The following PACS2 variants were observed in gnomAD, a reference collection of about 807,000 sequenced individuals.
The protein encoded by PACS2 is phosphofurin acidic cluster sorting protein 2.
PACS2 carries 36 observed loss-of-function variants against 113.0 expected under a neutral mutation model. That is an observed-to-expected ratio of 0.32 (90% confidence interval 0.24 to 0.42). The LOEUF (loss-of-function observed/expected upper bound fraction) is 0.42. PACS2 is among the 10% of genes least tolerant of loss of function. PACS2 has a pLI of 1.00. For synonymous variants in PACS2, 589 were observed against 536.1 expected, an observed-to-expected ratio of 1.10 and a Z score of -1.36; for missense variants, 1,015 against 1,239.5, an observed-to-expected ratio of 0.82 and a Z score of 2.72.
At chr14:105,363,967 TCA>T (rs2060827135) in intron 4 of PACS2, among the ~76,000 whole-genome samples, 1 of 151,964 alleles carries the variant, frequency 6.6e-6, no homozygotes, top group African/African-American at 2.4e-5. Context: ...GGCTGAGCAG[TCA>T]GACGCACACA....
In PACS2 at chr14:105,348,917, C is replaced by T. The variant is rs2060044997; in HGVS notation, c.207+337C>T. The stretch of plus-strand genomic sequence containing the variant: ...TGCTGCACTCAGCACCCACTTCCTG[C>T]CCACTTTTTGTGGGGTGGAGGGCGT... On this transcript the variant is annotated intron_variant, in intron 2 of 24. Transcript: ENST00000447393. The surrounding 1 kb of genome is among the most constrained non-coding windows in gnomAD (Gnocchi z 6.4). Among the ~76,000 whole-genome samples, 1 of 152,216 alleles carries T rather than the reference C, an allele frequency of 6.6e-6. No individual in the cohort carries two copies. The highest frequency in any genetic ancestry group is 1.5e-5 in the Non-Finnish European group (1 of 68,016).
intron 8 of PACS2, chr14:105,374,897 CTG>C (rs1439681104): frequency 6.6e-6 from 1 of 152,232 alleles, no homozygotes; most frequent in Non-Finnish European, 1.5e-5. Flanking sequence ...CTGGTCCATC[CTG>C]GATTGTGAGG....
At chr14:105,379,877 G>A (rs1555411495) in intron 10 of PACS2, 48 bp downstream of exon 10, 1 of 1,565,746 alleles carries the variant, frequency 6.4e-7, no homozygotes, top group South Asian at 1.1e-5. Flanking sequence ...GGTCTGACTG[G>A]GCTGTGGTGT....
At position 105,324,669 on chromosome 14, in the gene PACS2, G is replaced by A. The variant is rs1218165188; in HGVS notation, c.119+9632G>A. On this transcript the variant is annotated intron_variant, in intron 1 of 24. Coordinates refer to ENST00000447393, the MANE Select transcript of PACS2 (RefSeq NM_001100913.3). This position sits in a 1 kb window ranked among gnomAD's most constrained non-coding sequence, Gnocchi z 4.7. ...CGTGGCTGCTGGTCATGGTGCTGGG[G>A]TCGTCAGCAGCTCCTCGAGGGCTCC... is the stretch of plus-strand genomic sequence containing the variant. 6.6e-6 allele frequency among the ~76,000 whole-genome samples: 1 copy of A among 152,210 alleles called. No individual in the cohort carries two copies. The highest frequency in any genetic ancestry group is 1.5e-5 in the Non-Finnish European group (1 of 68,020).
At chr14:105,310,134 C>A (rs2058308859), upstream of PACS2, among the ~76,000 whole-genome samples, 1 of 152,020 alleles carries the variant, frequency 6.6e-6, no homozygotes, top group African/African-American at 2.4e-5. Context: ...ACAACTGTCT[C>A]ACTTATTCTT....
At chr14:105,341,349 A>G (rs1015494040) in intron 1 of PACS2, among the ~76,000 whole-genome samples, 2 of 152,266 alleles carry the variant, frequency 1.3e-5, no homozygotes, top group Non-Finnish European at 2.9e-5. Flanking sequence ...GAGGAAACAG[A>G]TAACACTGTG....
At chr14:105,308,395 T>C (rs587770799) in intron 1 of PACS2, among the ~76,000 whole-genome samples, 5 of 152,008 alleles carry the variant, frequency 3.3e-5, no homozygotes, top group East Asian at 1.9e-4. Flanking sequence ...AGAGGGAGGA[T>C]TGCCTGAGCC....
chr14:105,355,287 G>A lies in PACS2; in HGVS notation c.423+110G>A. ...CCCGGGTCCAGATGTCCAGGGATCAGGTGAAAATGATGAGAGGAGCCTGGG... is the reference window on the plus strand; with the variant it reads ...CCCGGGTCCAGATGTCCAGGGATCAAGTGAAAATGATGAGAGGAGCCTGGG... On this transcript the variant is annotated intron_variant, in intron 4 of 24. Transcript: ENST00000447393. This position sits in a 1 kb window ranked among gnomAD's most constrained non-coding sequence, Gnocchi z 4.1. The A allele has an allele frequency of 7.6e-7, 1 of 1,322,048 alleles. No individual in the cohort carries two copies. Among genetic ancestry groups the A allele is most frequent in the South Asian group, 1.4e-5 (1 of 69,032 alleles). The allele number at this position is 1,322,048 out of a possible 1,614,324, so 81.9% of individuals were successfully genotyped here.
chr14:105,361,059 G>A (rs587771123), intron 4 of PACS2, among the ~76,000 whole-genome samples: 1 of 152,310 alleles, frequency 6.6e-6, no homozygotes, highest in Non-Finnish European at 1.5e-5. Flanking sequence ...TCCACCACAT[G>A]TGCACTTCCT....
At chr14:105,390,934 A>G (rs1357855933) in intron 20 of PACS2, 9 of 525,540 alleles carry the variant, frequency 1.7e-5, no homozygotes, top group African/African-American at 1.5e-4. Flanking sequence ...TACTGCACAC[A>G]TAGTTTGCAG....
upstream of PACS2, chr14:105,314,482 C>CG (rs1301061913): frequency 6.7e-6 from 1 of 148,308 alleles, no homozygotes; most frequent in Admixed American, 6.7e-5. Flanking sequence ...GCGCCCCGGG[C>CG]GGGGTCTGTG....
chr14:105,342,701 A>T (rs1329248225), intron 1 of PACS2, among the ~76,000 whole-genome samples: 1 of 151,352 alleles, frequency 6.6e-6, no homozygotes, highest in African/African-American at 2.4e-5. Flanking sequence ...CAGGAGGCCG[A>T]GGTGGGCGGG....
Position 105,384,383 on chromosome 14 carries a change from C to T in PACS2, c.1811C>T (p.Ser604Phe). 6.2e-7 allele frequency: 1 copy of T among 1,612,152 alleles called. No homozygotes were observed. Among genetic ancestry groups the T allele is most frequent in the Non-Finnish European group, 8.5e-7 (1 of 1,179,646 alleles). The change falls in exon 17 of 25, where the codon TCC becomes TTC. Residue 604 changes from serine to phenylalanine, a missense_variant. Physicochemically the swap from Ser to Phe is radical, Grantham distance 155. Around this residue, in one of 3 missense-constraint regions of PACS2, gnomAD observed 859 missense variants for 1,056.8 expected, o/e 0.81. Transcript: ENST00000447393. Reference sequence around the variant, plus strand: ...CACCCCGTGGCCAGGTACCTAGGCTCCGTGGACTACCGCTACAACAACTTC... The same window carrying T: ...CACCCCGTGGCCAGGTACCTAGGCTTCGTGGACTACCGCTACAACAACTTC... ...GSHPVARYLG[S>F]VDYRYNNFFQ... is the part of the protein sequence containing the mutation.
At chr14:105,388,740 C>G (rs1445095500) in intron 19 of PACS2, 1 of 152,336 alleles carries the variant, frequency 6.6e-6, no homozygotes, top group Non-Finnish European at 1.5e-5. Context: ...CAGCCACTTG[C>G]CGGCATCAGA....
In PACS2 at chr14:105,306,372, C is replaced by T. The variant is rs587706165; in HGVS notation, c.-83+5393C>T. ...AGGCTGGAGTGCAGCGGCGCCATCT[C>T]GACTCAGTGCAACCTCTGCCTCCCA... On this transcript the variant is annotated intron_variant, in intron 1 of 23. Coordinates refer to the PACS2 transcript ENST00000430725. Among the ~76,000 whole-genome samples, 16 of 151,992 alleles carry T rather than the reference C, an allele frequency of 1.1e-4. No individual in the cohort carries two copies. In the East Asian group the frequency reaches 2.9e-3, roughly 28 times the overall value.
At position 105,366,218 on chromosome 14, in the gene PACS2, G is replaced by A. The variant is rs2060936344; in HGVS notation, c.424-995G>A. 6.6e-6 allele frequency among the ~76,000 whole-genome samples: 1 copy of A among 152,166 alleles called. No individual in the cohort carries two copies. The highest frequency in any genetic ancestry group is 6.5e-5 in the Admixed American group (1 of 15,276). On this transcript the variant is annotated intron_variant, in intron 4 of 24. Transcript: ENST00000447393. The surrounding 1 kb of genome is among the most constrained non-coding windows in gnomAD (Gnocchi z 4.3). Reference sequence around the variant, plus strand: ...CAAAACTTAGCTGGGCGTGCTGGCAGATGCCTGTAATCCCAGGTACTTGGG... The same window carrying A: ...CAAAACTTAGCTGGGCGTGCTGGCAAATGCCTGTAATCCCAGGTACTTGGG...
In PACS2 at chr14:105,317,774, G is replaced by A. The variant is rs372695943; in HGVS notation, c.119+2737G>A. 6.6e-6 allele frequency among the ~76,000 whole-genome samples: 1 copy of A among 152,304 alleles called. No homozygotes were observed. The highest frequency in any genetic ancestry group is 1.9e-4 in the East Asian group (1 of 5,186). ...TCCCCGTGTCAGCCTGGTGGAGTGTGCACATTGACTGTTTGCCAGGCTGGG... is the reference window on the plus strand; with the variant it reads ...TCCCCGTGTCAGCCTGGTGGAGTGTACACATTGACTGTTTGCCAGGCTGGG... On this transcript the variant is annotated intron_variant, in intron 1 of 24. Coordinates refer to ENST00000447393, the MANE Select transcript of PACS2 (RefSeq NM_001100913.3). The surrounding 1 kb of genome is among the most constrained non-coding windows in gnomAD (Gnocchi z 4.2).
In PACS2 at chr14:105,376,743, TCA is replaced by T. The variant is rs1491041432; in HGVS notation, c.802-23_802-22del. ...GGCAATGTGGGCTGCTGCAGGGAAC[TCA>T]CGCGTGCCTGGCACCCGTGCAGGTC... On this transcript the variant is annotated intron_variant, in intron 8 of 24. Coordinates refer to ENST00000447393, the MANE Select transcript of PACS2 (RefSeq NM_001100913.3). This position sits in a 1 kb window ranked among gnomAD's most constrained non-coding sequence, Gnocchi z 4.7. The T allele has an allele frequency of 5.6e-6, 9 of 1,608,100 alleles. No individual in the cohort carries two copies. The highest frequency in any genetic ancestry group is 7.6e-6 in the Non-Finnish European group (9 of 1,176,776).
chr14:105,316,166 G>C (rs61996226), intron 1 of PACS2, among the ~76,000 whole-genome samples: 1 of 152,358 alleles, frequency 6.6e-6, no homozygotes, highest in East Asian at 1.9e-4. Flanking sequence ...TTGCTGAGTG[G>C]ACAGGAAGGA....
Sources: allele counts gnomAD v4.1 joint callset (sites outside exome capture counted in the v4.1 genomes callset), GRCh38; gene constraint gnomAD v4.1.1; regional missense constraint gnomAD v4.1.1; non-coding constraint Gnocchi (gnomAD v3.1); transcripts MANE v1.5; gene names NCBI Gene and HGNC (gene_info 2026-07-23, HGNC 2026-07-21).